Variants in TENM4 observed in about 807,000 individuals in gnomAD.
TENM4 encodes teneurin transmembrane protein 4.
A neutral mutation model predicts 243.3 loss-of-function variants in TENM4; 82 were observed. The ratio of observed to expected loss-of-function variants is 0.34; its 90% CI spans 0.28 to 0.40. The LOEUF (loss-of-function observed/expected upper bound fraction) is 0.40. Among genes scored for constraint, TENM4 ranks in the 10% least tolerant of loss-of-function variants. The pLI is 1.00. For synonymous variants in TENM4, 1,412 were observed against 1,456.3 expected (o/e 0.97, Z 0.69); for missense variants, 3,138 against 3,673.3 (o/e 0.85, Z 3.77).
chr11:79,094,968 A>G (rs886373625), intron 4 of TENM4, among the ~76,000 whole-genome samples: 1 of 152,236 alleles, frequency 6.6e-6, no homozygotes, highest in African/African-American at 2.4e-5. Context: ...GACCCAGGAC[A>G]GGGGCAGATC....
intron 2 of TENM4, among the ~76,000 whole-genome samples, chr11:79,264,977 G>T (rs1205649677): frequency 6.6e-6 from 1 of 152,218 alleles, no homozygotes; most frequent in South Asian, 2.1e-4. Context: ...AACCTAATGA[G>T]TGGAGGCAGC....
intron 1 of TENM4, among the ~76,000 whole-genome samples, chr11:79,424,835 A>G (rs1169145356): frequency 1.3e-5 from 2 of 151,986 alleles, no homozygotes; most frequent in Middle Eastern, 3.4e-3. Flanking sequence ...TCAGGAGGCT[A>G]AGGCAGGAGA....
At chr11:79,136,155 A>G (rs1862106454) in intron 4 of TENM4, among the ~76,000 whole-genome samples, 1 of 152,134 alleles carries the variant, frequency 6.6e-6, no homozygotes, top group Non-Finnish European at 1.5e-5. Flanking sequence ...TCATGTAACC[A>G]AATACTAGCT....
intron 2 of TENM4, among the ~76,000 whole-genome samples, chr11:79,264,481 C>T (rs577781374): frequency 7.7e-4 from 117 of 152,264 alleles, no homozygotes; most frequent in Admixed American, 1.6e-3. Context: ...ACAGCAGTAA[C>T]GGATTCCCGT....
intron 6 of TENM4, among the ~76,000 whole-genome samples, chr11:78,910,247 C>G (rs745505724): frequency 6.6e-6 from 1 of 152,160 alleles, no homozygotes; most frequent in African/African-American, 2.4e-5. Context: ...CTAATGATGA[C>G]CCAAGCATAC....
chr11:79,401,416 A>G (rs1201088188), intron 1 of TENM4, among the ~76,000 whole-genome samples: 1 of 152,230 alleles, frequency 6.6e-6, no homozygotes, highest in Non-Finnish European at 1.5e-5. Context: ...ACTCTTTGAG[A>G]TGCAAAGGAA....
intron 3 of TENM4, among the ~76,000 whole-genome samples, chr11:79,212,652 G>C (rs1863975203): frequency 6.6e-6 from 1 of 152,144 alleles, no homozygotes; most frequent in Non-Finnish European, 1.5e-5. Flanking sequence ...CTGCAGGTGT[G>C]AGAGGTGAGG....
chr11:79,352,091 A>T (rs1045226843), intron 1 of TENM4, among the ~76,000 whole-genome samples: 1 of 152,278 alleles, frequency 6.6e-6, no homozygotes, highest in Non-Finnish European at 1.5e-5. Flanking sequence ...TATGTGCTGC[A>T]TAGTAAATAC....
intron 12 of TENM4, among the ~76,000 whole-genome samples, chr11:78,826,746 A>G (rs922202955): frequency 1.4e-4 from 22 of 152,224 alleles, no homozygotes; most frequent in Non-Finnish European, 3.2e-4. Context: ...TTTAAAAATG[A>G]GGTCAAAGAA....
At chr11:78,866,140 G>C (rs947076545) in intron 9 of TENM4, among the ~76,000 whole-genome samples, 1 of 152,206 alleles carries the variant, frequency 6.6e-6, no homozygotes, top group African/African-American at 2.4e-5. Flanking sequence ...TGGAAGCAGT[G>C]AATATTCTGC....
chr11:78,769,590 C>T (rs1856607803), intron 18 of TENM4, among the ~76,000 whole-genome samples: 1 of 152,154 alleles, frequency 6.6e-6, no homozygotes, highest in Non-Finnish European at 1.5e-5. Flanking sequence ...TTATGGAGCA[C>T]AAAAATTAAT....
At chr11:79,261,916 C>T (rs537686359) in intron 2 of TENM4, among the ~76,000 whole-genome samples, 1 of 152,266 alleles carries the variant, frequency 6.6e-6, no homozygotes, top group African/African-American at 2.4e-5. Flanking sequence ...GAAAGCAAGT[C>T]ATATGCATGG....
At chr11:78,660,794 G>A (rs1208861292) in intron 33 of TENM4, among the ~76,000 whole-genome samples, 2 of 152,168 alleles carry the variant, frequency 1.3e-5, no homozygotes, top group East Asian at 3.9e-4. Context: ...GCAAATGAAT[G>A]CATGAAGTGA....
chr11:78,827,297 C>A (rs142082237), intron 12 of TENM4, among the ~76,000 whole-genome samples: 1 of 151,990 alleles, frequency 6.6e-6, no homozygotes, highest in South Asian at 2.1e-4. Flanking sequence ...ATCCAATTGC[C>A]CTTTTCAAGT....
chr11:78,821,645 A>C (rs1262592970), intron 12 of TENM4, among the ~76,000 whole-genome samples: 2 of 152,250 alleles, frequency 1.3e-5, no homozygotes, highest in East Asian at 3.8e-4. Flanking sequence ...AACCAGAAAG[A>C]TTAAAGAACT....
chr11:78,736,709 A>G (rs1855806061), intron 20 of TENM4, among the ~76,000 whole-genome samples: 1 of 152,216 alleles, frequency 6.6e-6, no homozygotes, highest in Non-Finnish European at 1.5e-5. Flanking sequence ...ACATGTAACA[A>G]ACAGAGATTT....
intron 3 of TENM4, among the ~76,000 whole-genome samples, chr11:79,152,282 A>G (rs1206204773): frequency 6.6e-6 from 1 of 152,180 alleles, no homozygotes; most frequent in Non-Finnish European, 1.5e-5. Context: ...GCTTAGTCAG[A>G]AAATGAGAGT....
intron 1 of TENM4, among the ~76,000 whole-genome samples, chr11:79,342,142 A>G (rs1358892538): frequency 6.6e-6 from 1 of 152,128 alleles, no homozygotes; most frequent in African/African-American, 2.4e-5. Context: ...ACCCCACTAG[A>G]AAGTATAAAG....
At chr11:78,899,571 G>GGGAAAGA (rs1565430077) in intron 7 of TENM4, among the ~76,000 whole-genome samples, 2 of 79,420 alleles carry the variant, frequency 2.5e-5, no homozygotes, top group Admixed American at 1.5e-4. Flanking sequence ...GGGGGGGGGG[G>GGGAAAGA]AAAAAGAAAA....
Sources: allele counts gnomAD v4.1 joint callset (sites outside exome capture counted in the v4.1 genomes callset), GRCh38; gene constraint gnomAD v4.1.1; transcripts MANE v1.5; gene names NCBI Gene and HGNC (gene_info 2026-07-23, HGNC 2026-07-21).